FREM2: variants seen among roughly 807,000 people sequenced by gnomAD.
The protein encoded by FREM2 is FRAS1-related extracellular matrix protein 2.
In FREM2, 119 loss-of-function variants were observed where a neutral mutation model predicts 219.9. The ratio of observed to expected loss-of-function variants is 0.54; its 90% CI spans 0.47 to 0.63. FREM2 has a LOEUF of 0.63. FREM2 is among the 30% of genes least tolerant of loss of function. The probability of loss-of-function intolerance (pLI) is 0.00; values close to 1 mark genes in which losing one functional copy is unlikely to be tolerated. For missense variants in FREM2, 4,030 were observed against 3,993.6 expected, an observed-to-expected ratio of 1.01 and a Z score of -0.25; for synonymous variants, 1,562 against 1,522.8, an observed-to-expected ratio of 1.03 and a Z score of -0.60.
chr13:38,690,967 T>C lies in FREM2; in HGVS notation c.3623T>C (p.Ile1208Thr). ...FMVMEGMSLV[I>T]DTPILNAADA... ...GTGATGGAAGGCATGAGTCTGGTAA[T>C]TGATACACCCATTCTCAATGCTGCT... Residue 1208 changes from isoleucine (I) to threonine (T), a missense_variant, in exon 1 of 24, where the codon ATT becomes ACT. Physicochemically the swap from Ile to Thr is moderately conservative, Grantham distance 89 (BLOSUM62 -1). Coordinates refer to ENST00000280481, the MANE Select transcript of FREM2 (RefSeq NM_207361.6). The C allele has an allele frequency of 6.2e-7, 1 of 1,614,208 alleles. No homozygotes were observed. The highest frequency in any genetic ancestry group is 8.5e-7 in the Non-Finnish European group (1 of 1,180,040).
intron 6 of FREM2, among the ~76,000 whole-genome samples, chr13:38,822,275 C>G (rs185242868): frequency 1.3e-5 from 2 of 151,510 alleles, no homozygotes; most frequent in Non-Finnish European, 2.9e-5. Flanking sequence ...ATGGGTTTCA[C>G]AGGCCCAGGA....
At chr13:38,812,022 A>C (rs1003705333) in intron 6 of FREM2, among the ~76,000 whole-genome samples, 1 of 152,146 alleles carries the variant, frequency 6.6e-6, no homozygotes, top group Admixed American at 6.6e-5. Context: ...TTCTTACTGA[A>C]TTAACCCCTT....
At chr13:38,697,396 A>G (rs1159738725) in intron 1 of FREM2, among the ~76,000 whole-genome samples, 1 of 152,138 alleles carries the variant, frequency 6.6e-6, no homozygotes, top group African/African-American at 2.4e-5. Context: ...CTGACATTCC[A>G]TATTTAGACA....
At position 38,746,475 on chromosome 13, in the gene FREM2, T is replaced by G. The variant is rs150368685; in HGVS notation, c.5264-17829T>G. On this transcript the variant is annotated intron_variant, in intron 2 of 23. Transcript: ENST00000280481. ...TAAGCTGAATCTCTCTCCCTAGAAGTGACAGAGCCAGTGGGTGGGAGGCAG... is the reference window on the plus strand; with the variant it reads ...TAAGCTGAATCTCTCTCCCTAGAAGGGACAGAGCCAGTGGGTGGGAGGCAG... Among the ~76,000 whole-genome samples the G allele has an allele frequency of 5.5e-3, 840 of 152,262 alleles. 6 individuals are homozygous for G. The highest frequency in any genetic ancestry group is 0.018 in the South Asian group (86 of 4,832).
Position 38,850,937 on chromosome 13 carries a change from G to A in FREM2, c.6578-7G>A. The A allele has an allele frequency of 6.2e-7, 1 of 1,610,646 alleles. No individual in the cohort carries two copies. Among genetic ancestry groups the A allele is most frequent in the Admixed American group, 1.7e-5 (1 of 60,014 alleles). On this transcript the variant is annotated splice_region_variant and splice_polypyrimidine_tract_variant and intron_variant, in intron 9 of 23. Transcript: ENST00000280481. ...ATGTGATTGACCTGCTGACATTATT[G>A]TTCCAGGTGAGACAGAAAAGCCCTG...
intron 5 of FREM2, 134 bp downstream of exon 5, chr13:38,783,329 T>C: frequency 1.0e-6 from 1 of 967,978 alleles, no homozygotes. Context: ...AAAGGATTTA[T>C]TTAGAAGTCT....
chr13:38,827,676 A>G (rs1876346951), intron 6 of FREM2: 1 of 152,142 alleles, frequency 6.6e-6, no homozygotes, highest in African/African-American at 2.4e-5. Context: ...AGTAACTGTT[A>G]AGTAAGTTAT....
At position 38,880,620 on chromosome 13, in the gene FREM2, G is replaced by C; in HGVS notation, c.9343G>C (p.Val3115Leu). ...CTCTGCAGTCAGCCTGGTCACTGTG[G>C]TGGGAGGCACCACGGTAGGGTTACT... ...PSSAVSLVTVVGGTTVGLLTI... is the reference protein window; with the variant it reads ...PSSAVSLVTVLGGTTVGLLTI... Residue 3115 changes from valine to leucine, a missense_variant, in exon 24 of 24, where the codon GTG (valine) becomes CTG (leucine). Physicochemically the swap from Val to Leu is conservative, Grantham distance 32. This residue lies in a region of FREM2 where 928 missense variants were observed against 1,042.9 expected (regional missense o/e 0.89). Coordinates refer to ENST00000280481, the MANE Select transcript of FREM2 (RefSeq NM_207361.6). 1 of 1,613,852 alleles carries C rather than the reference G, an allele frequency of 6.2e-7. No individual in the cohort carries two copies. Among genetic ancestry groups the C allele is most frequent in the Non-Finnish European group, 8.5e-7 (1 of 1,179,728 alleles).
At chr13:38,879,601 C>A (rs1878472504) in intron 23 of FREM2, among the ~76,000 whole-genome samples, 1 of 152,202 alleles carries the variant, frequency 6.6e-6, no homozygotes. Flanking sequence ...TGAAAATTAA[C>A]CCGACAGGAT....
At chr13:38,835,432 C>A (rs966242700) in intron 6 of FREM2, among the ~76,000 whole-genome samples, 3 of 152,028 alleles carry the variant, frequency 2.0e-5, no homozygotes, top group African/African-American at 4.8e-5. Flanking sequence ...GCTATACGGG[C>A]TTTTTTGGTT....
At chr13:38,721,650 T>A (rs1871266046) in intron 2 of FREM2, among the ~76,000 whole-genome samples, 1 of 152,178 alleles carries the variant, frequency 6.6e-6, no homozygotes, top group Non-Finnish European at 1.5e-5. Context: ...GGGCTAGGCA[T>A]ACTCAAGCTA....
chr13:38,777,003 T>C (rs1593400748), intron 4 of FREM2, among the ~76,000 whole-genome samples: 1 of 151,872 alleles, frequency 6.6e-6, no homozygotes, highest in Non-Finnish European at 1.5e-5. Context: ...GTTAATGGGA[T>C]TTGACATGTG....
intron 2 of FREM2, among the ~76,000 whole-genome samples, chr13:38,749,524 G>A (rs772801902): frequency 1.6e-4 from 24 of 152,062 alleles, no homozygotes; most frequent in African/African-American, 4.8e-4. Flanking sequence ...TACAGACCAC[G>A]GTTTCTCAAC....
intron 12 of FREM2, 41 bp from the exon 13 acceptor site, chr13:38,857,834 T>G: frequency 6.4e-7 from 1 of 1,564,514 alleles, no homozygotes; most frequent in Non-Finnish European, 8.8e-7. Context: ...ATCAAAAGTT[T>G]AATATTTCAC....
intron 2 of FREM2, among the ~76,000 whole-genome samples, chr13:38,746,892 TG>T (rs148254465): frequency 0.075 from 11,370 of 152,202 alleles, 561 homozygotes; most frequent in South Asian, 0.19. Context: ...AGACAACCTT[TG>T]GCGATTTGGC....
At chr13:38,780,638 C>T (rs1437764353) in intron 4 of FREM2, among the ~76,000 whole-genome samples, 1 of 152,154 alleles carries the variant, frequency 6.6e-6, no homozygotes, top group Non-Finnish European at 1.5e-5. Context: ...GTAGCCAGAC[C>T]ACACATTAAA....
In FREM2 at chr13:38,687,307, C is replaced by A. The variant is rs990355586; in HGVS notation, c.-38C>A. The A allele has an allele frequency of 6.4e-7, 1 of 1,569,804 alleles. No individual in the cohort carries two copies. The highest frequency in any genetic ancestry group is 8.6e-7 in the Non-Finnish European group (1 of 1,157,314). On this transcript the variant is annotated 5_prime_UTR_variant, in exon 1 of 24. Transcript: ENST00000280481. ...TCTGCCCGGGGACCGACTTCGCATG[C>A]TCTCAGGCTGACCTGTCCAAGCCCG...
intron 2 of FREM2, among the ~76,000 whole-genome samples, chr13:38,757,654 G>A (rs1472924890): frequency 6.6e-6 from 1 of 151,756 alleles, no homozygotes; most frequent in African/African-American, 2.4e-5. Context: ...GAGTGCAGTG[G>A]TGTGATCTTG....
chr13:38,820,744 G>A (rs951429890), intron 6 of FREM2, among the ~76,000 whole-genome samples: 1 of 152,024 alleles, frequency 6.6e-6, no homozygotes, highest in African/African-American at 2.4e-5. Context: ...GCCAAACATG[G>A]CAACTTGGCT....
Sources: allele counts gnomAD v4.1 joint callset (sites outside exome capture counted in the v4.1 genomes callset), GRCh38; gene constraint gnomAD v4.1.1; regional missense constraint gnomAD v4.1.1; transcripts MANE v1.5; gene names NCBI Gene and HGNC (gene_info 2026-07-23, HGNC 2026-07-21).